Variants in DPH7 observed in about 807,000 individuals in gnomAD.
DPH7 encodes diphthine methyltransferase.
In DPH7, 44 loss-of-function variants were observed where a neutral mutation model predicts 41.7. That is an observed-to-expected ratio of 1.05 (90% confidence interval 0.83 to 1.36). DPH7 has a LOEUF of 1.36. Among genes scored for constraint, DPH7 ranks in the 40% most tolerant of loss-of-function variants. The probability of loss-of-function intolerance (pLI) is 0.00; values close to 1 mark genes in which losing one functional copy is unlikely to be tolerated. For missense variants in DPH7, 629 were observed against 577.5 expected (o/e 1.09, Z -0.91); for synonymous variants, 275 against 238.0 (o/e 1.16, Z -1.43).
At chr9:137,563,116 G>A (rs1052796960) in intron 8 of DPH7, among the ~76,000 whole-genome samples, 1 of 152,058 alleles carries the variant, frequency 6.6e-6, no homozygotes, top group Admixed American at 6.6e-5. Context: ...CCACACTCCA[G>A]CCTGGGTGAC....
intron 5 of DPH7, among the ~76,000 whole-genome samples, chr9:137,568,553 CTCTG>C (rs1166315600): frequency 3.5e-5 from 5 of 141,670 alleles, no homozygotes; most frequent in African/African-American, 1.3e-4. Context: ...CCCTGGGTGA[CTCTG>C]TCTGTGAGGA....
Position 137,565,149 on chromosome 9 carries a change from C to A in DPH7, c.646G>T (p.Asp216Tyr). Residue 216 changes from aspartate (D) to tyrosine (Y), a missense_variant, in exon 6 of 9, where the codon GAC becomes TAC. By Grantham distance (160) the Asp-to-Tyr change is radical. Coordinates refer to ENST00000277540, the MANE Select transcript of DPH7 (RefSeq NM_138778.5). Reference sequence around the variant, plus strand: ...TCCCAGCCCCTCAGAAGGCCATCGTCGCCCCCTGTGTGGAGAAAGAGAAGC... The same window carrying A: ...TCCCAGCCCCTCAGAAGGCCATCGTAGCCCCCTGTGTGGAGAAAGAGAAGC... ...WHPEIVYSGGDDGLLRGWDTR... is the reference protein window; with the variant it reads ...WHPEIVYSGGYDGLLRGWDTR... 6.2e-7 allele frequency: 1 copy of A among 1,614,018 alleles called. No individual in the cohort carries two copies. The highest frequency in any genetic ancestry group is 8.5e-7 in the Non-Finnish European group (1 of 1,180,016).
At chr9:137,577,254 G>A (rs557851927) in intron 2 of DPH7, among the ~76,000 whole-genome samples, 1 of 152,160 alleles carries the variant, frequency 6.6e-6, no homozygotes, top group South Asian at 2.1e-4. Context: ...CCCAGGTTAT[G>A]AAGTCAGAAA....
At chr9:137,573,044 G>C (rs1840715339) in intron 5 of DPH7, among the ~76,000 whole-genome samples, 1 of 152,194 alleles carries the variant, frequency 6.6e-6, no homozygotes, top group African/African-American at 2.4e-5. Flanking sequence ...TGCACTGCCT[G>C]AGGCAAGCTA....
Position 137,574,783 on chromosome 9 carries a change from A to T in DPH7, c.436T>A (p.Ser146Thr), listed in dbSNP as rs772539356. ...GTTTTCCCAGTGGACCAATCTAGGG[A>T]CAAAGCCAGACACTGCTCCTCCAGG... Reference protein sequence around the residue: ...LALEEQCLALSLDWSTGKTGR... With the variant: ...LALEEQCLALTLDWSTGKTGR... Residue 146 changes from serine to threonine, a missense_variant, in exon 4 of 9, where the codon TCC (serine) becomes ACC (threonine). By Grantham distance (58) the Ser-to-Thr change is moderately conservative (BLOSUM62 1). Transcript: ENST00000277540. 6.2e-7 allele frequency: 1 copy of T among 1,614,030 alleles called. No homozygotes were observed. Among genetic ancestry groups the T allele is most frequent in the Non-Finnish European group, 8.5e-7 (1 of 1,180,004 alleles).
chr9:137,570,631 G>C (rs1840271896), intron 5 of DPH7, among the ~76,000 whole-genome samples: 2 of 152,188 alleles, frequency 1.3e-5, no homozygotes. Flanking sequence ...TTCATTCTGA[G>C]TAGGAAACAA....
chr9:137,558,902 C>T (rs568399854), intron 8 of DPH7, among the ~76,000 whole-genome samples: 2 of 152,142 alleles, frequency 1.3e-5, no homozygotes, highest in South Asian at 2.1e-4. Context: ...GTGATCCGCC[C>T]GCCTCAGCCT....
At chr9:137,575,041 C>G (rs1486286038) in intron 3 of DPH7, 198 bp from the exon 4 acceptor site, 66 of 1,370,768 alleles carry the variant, frequency 4.8e-5, no homozygotes, top group Non-Finnish European at 6.0e-5. Flanking sequence ...GACACTGGAG[C>G]TCACACTCCT....
At position 137,574,752 on chromosome 9, in the gene DPH7, C is replaced by T; in HGVS notation, c.467G>A (p.Arg156Lys). Residue 156 changes from arginine (R) to lysine (K), a missense_variant and splice_region_variant, in exon 4 of 9, where the codon AGG becomes AAG. Physicochemically the swap from Arg to Lys is conservative, Grantham distance 26. Transcript: ENST00000277540. ...SLDWSTGKTG[R>K]AGDQPLKIIS... The stretch of plus-strand genomic sequence containing the variant: ...ACCCCTGACCAAGCCTGGCCCTTAC[C>T]TTCCAGTTTTCCCAGTGGACCAATC... 1 of 1,613,928 alleles carries T rather than the reference C, an allele frequency of 6.2e-7. No individual in the cohort carries two copies. The highest frequency in any genetic ancestry group is 2.2e-5 in the East Asian group (1 of 44,880).
In DPH7 at chr9:137,576,118, T is replaced by C. The variant is rs1418318712; in HGVS notation, c.337A>G (p.Ser113Gly). ...GHALLGLADASGSIQLLRLVE... is the reference protein window; with the variant it reads ...GHALLGLADAGGSIQLLRLVE... ...AGGCGGAGCAGTTGTATGGATCCAC[T>C]GGCATCTGCCAAGCCCAAGAGGGCA... Residue 113 changes from serine (S) to glycine (G), a missense_variant, in exon 3 of 9, where the codon AGT becomes GGT. Ser to Gly is a moderately conservative substitution (Grantham distance 56). Coordinates refer to ENST00000277540, the MANE Select transcript of DPH7 (RefSeq NM_138778.5). The C allele has an allele frequency of 1.2e-6, 2 of 1,613,796 alleles. No individual in the cohort carries two copies. Among genetic ancestry groups the C allele is most frequent in the African/African-American group, 2.7e-5 (2 of 74,946 alleles).
At chr9:137,575,817 A>C in intron 3 of DPH7, 2 of 1,275,458 alleles carry the variant, frequency 1.6e-6, no homozygotes, top group Non-Finnish European at 2.0e-6. Flanking sequence ...TCCTTAGAGA[A>C]CTTTCAGATC....
chr9:137,574,600 G>A, intron 4 of DPH7, 152 bp downstream of exon 4: 1 of 875,750 alleles, frequency 1.1e-6, no homozygotes, highest in South Asian at 1.6e-5. Flanking sequence ...TAAAATGGGG[G>A]ACCTTTTTTT....
chr9:137,561,904 T>G (rs867674480), intron 8 of DPH7, among the ~76,000 whole-genome samples: 2 of 152,030 alleles, frequency 1.3e-5, no homozygotes, highest in Admixed American at 1.3e-4. Flanking sequence ...TCGCTGTGTC[T>G]CCCAGGCTGG....
chr9:137,564,783 G>T, intron 7 of DPH7, 110 bp downstream of exon 7: 1 of 1,437,642 alleles, frequency 7.0e-7, no homozygotes, highest in Non-Finnish European at 9.5e-7. Flanking sequence ...CAGACGAAAT[G>T]CTGCAATGGT....
chr9:137,573,026 C>G (rs1482318476), intron 5 of DPH7, among the ~76,000 whole-genome samples: 1 of 152,160 alleles, frequency 6.6e-6, no homozygotes, highest in Non-Finnish European at 1.5e-5. Flanking sequence ...CAACACCACC[C>G]AAGACCCTGC....
In DPH7 at chr9:137,574,302, C is replaced by T; in HGVS notation, c.546G>A (p.Arg182=). 6.2e-7 allele frequency: 1 copy of T among 1,614,202 alleles called. No individual in the cohort carries two copies. Among genetic ancestry groups the T allele is most frequent in the Non-Finnish European group, 8.5e-7 (1 of 1,180,036 alleles). ...ATGAGGCCACTTTCTGCAGCCTGGG[C>T]CTCGTCTCATTCACCATCAGGAGGT... The part of the protein sequence containing the change: ...QLHLLMVNET[R]PRLQKVASWQ... Residue 182 remains arginine (R), a synonymous_variant, in exon 5 of 9, where the codon AGG becomes AGA. Transcript: ENST00000277540.
chr9:137,578,272 C>T (rs576252838), intron 1 of DPH7: 67 of 153,660 alleles, frequency 4.4e-4, no homozygotes, highest in Non-Finnish European at 8.2e-4. Context: ...TCACGCCATT[C>T]TCCTGCCTCA....
chr9:137,555,706 A>G lies in DPH7; in HGVS notation c.950-58T>C, dbSNP rs951040575. ...CAACATCACCCAGAGCCTCTCCCCA[A>G]CCTGTCACACCTGACAGGGAGACTC... On this transcript the variant is annotated intron_variant, in intron 8 of 8. Coordinates refer to ENST00000277540, the MANE Select transcript of DPH7 (RefSeq NM_138778.5). 2.8e-5 allele frequency: 42 copies of G among 1,503,756 alleles called. No individual in the cohort carries two copies. The Admixed American group carries it at 3.5e-4, about 12-fold the overall frequency. 93.2% of individuals were successfully genotyped at this position (1,503,756 alleles called of 1,614,324 possible). A position where few individuals can be genotyped will look rare whatever the true frequency, so the allele number is the denominator to read the frequency against.
chr9:137,571,242 A>C (rs1427405775), intron 5 of DPH7, among the ~76,000 whole-genome samples: 1 of 151,738 alleles, frequency 6.6e-6, no homozygotes, highest in Non-Finnish European at 1.5e-5. Flanking sequence ...GCTGGAGTGC[A>C]GTGGTGCGAT....
Sources: allele counts gnomAD v4.1 joint callset (sites outside exome capture counted in the v4.1 genomes callset), GRCh38; gene constraint gnomAD v4.1.1; transcripts MANE v1.5; gene names NCBI Gene and HGNC (gene_info 2026-07-23, HGNC 2026-07-21).